The following DCDC1 variants were observed in gnomAD, a reference collection of about 807,000 sequenced individuals.
DCDC1 encodes the protein doublecortin domain-containing protein 1.
Under a neutral mutation model 178.3 loss-of-function variants are expected in DCDC1, and 200 were observed. The ratio of observed to expected loss-of-function variants is 1.12; its 90% confidence interval spans 1.00 to 1.26. The LOEUF is 1.26. Ranked by LOEUF, DCDC1 falls within the 50% of genes most tolerant of loss-of-function variation. DCDC1 has a pLI of 0.00. For synonymous variants in DCDC1, 690 were observed against 604.8 expected (o/e 1.14, Z -2.07); for missense variants, 1,983 against 1,749.2 (o/e 1.13, Z -2.38).
chr11:31,058,789 G>A (rs916142742), intron 20 of DCDC1, among the ~76,000 whole-genome samples: 1 of 152,072 alleles, frequency 6.6e-6, no homozygotes, highest in Non-Finnish European at 1.5e-5. Flanking sequence ...AGACAAGGTA[G>A]GAAGCTAATC....
In DCDC1 at chr11:31,250,421, C is replaced by CATATACATATATATATATATATATAT. The variant is rs1943920511; in HGVS notation, c.1055-8806_1055-8805insATATATATATATATATATATGTATAT. ...ACACACACACACACACACACATATA[C>CATATACATATATATATATATATATAT]ATATATATGTATATATATATATATC... On this transcript the variant is annotated intron_variant, in intron 8 of 38. Transcript: ENST00000684477. Among the ~76,000 whole-genome samples, 23 of 52,942 alleles carry CATATACATATATATATATATATATAT rather than the reference C, an allele frequency of 4.3e-4. 1 individual carries two copies. Among genetic ancestry groups the CATATACATATATATATATATATATAT allele is most frequent in the African/African-American group, 1.0e-3 (20 of 19,630 alleles). The allele number at this position is 52,942 out of a possible 152,430, so 34.7% of individuals were successfully genotyped here. A position where few individuals can be genotyped will look rare whatever the true frequency, so the allele number is the denominator to read the frequency against.
chr11:31,294,805 A>AGAAAGAAG (rs1491564524), intron 6 of DCDC1, among the ~76,000 whole-genome samples: 150 of 27,224 alleles, frequency 5.5e-3, no homozygotes, highest in Admixed American at 8.5e-3. Context: ...AGAAAAAGAA[A>AGAAAGAAG]GAAAGAAAGA....
intron 9 of DCDC1, among the ~76,000 whole-genome samples, chr11:31,189,315 A>G (rs1969868896): frequency 6.6e-6 from 1 of 152,156 alleles, no homozygotes; most frequent in African/African-American, 2.4e-5. Context: ...AAAAGTAGAT[A>G]ATGTCCCCTA....
At chr11:30,900,953 G>A (rs986038867) in intron 32 of DCDC1, among the ~76,000 whole-genome samples, 1 of 151,794 alleles carries the variant, frequency 6.6e-6, no homozygotes, top group African/African-American at 2.4e-5. Flanking sequence ...ATAGTGTTTG[G>A]TCTATTTACT....
intron 18 of DCDC1, among the ~76,000 whole-genome samples, chr11:31,066,246 A>G (rs560395): frequency 0.54 from 81,963 of 152,086 alleles, 23,349 homozygotes; most frequent in African/African-American, 0.74. Flanking sequence ...GGCTACCCTT[A>G]CATGGAAGTA....
chr11:30,892,388 A>T (rs938902172), intron 36 of DCDC1, among the ~76,000 whole-genome samples: 2 of 152,114 alleles, frequency 1.3e-5, no homozygotes, highest in Middle Eastern at 6.3e-3. Context: ...GGGTAAAAAA[A>T]GTTACTCTTG....
intron 20 of DCDC1, among the ~76,000 whole-genome samples, chr11:31,028,861 T>C (rs1365111859): frequency 2.6e-5 from 4 of 151,958 alleles, no homozygotes; most frequent in African/African-American, 4.8e-5. Flanking sequence ...AAGGGTTTAG[T>C]TGGAGATTAA....
intron 20 of DCDC1, among the ~76,000 whole-genome samples, chr11:30,985,033 T>A (rs2134846810): frequency 6.6e-6 from 1 of 152,302 alleles, no homozygotes; most frequent in East Asian, 1.9e-4. Flanking sequence ...GATTCCTTCA[T>A]TTCTGAACAA....
At chr11:30,908,824 A>G in intron 29 of DCDC1, 122 bp downstream of exon 29, 1 of 779,140 alleles carries the variant, frequency 1.3e-6, no homozygotes, top group East Asian at 3.0e-5. Context: ...GATTTCACTC[A>G]AAAATCAGCA....
chr11:31,070,042 T>C (rs1782667937), intron 18 of DCDC1, among the ~76,000 whole-genome samples: 1 of 152,210 alleles, frequency 6.6e-6, no homozygotes, highest in South Asian at 2.1e-4. Context: ...CTATTATTCA[T>C]CCTCCCATCA....
chr11:31,220,265 T>C (rs1371270782), intron 9 of DCDC1, among the ~76,000 whole-genome samples: 2 of 152,216 alleles, frequency 1.3e-5, no homozygotes. Context: ...ATGGGCAATA[T>C]TTATCTAGGA....
At chr11:31,299,251 G>A (rs899842471) in intron 6 of DCDC1, among the ~76,000 whole-genome samples, 2 of 152,112 alleles carry the variant, frequency 1.3e-5, no homozygotes, top group African/African-American at 4.8e-5. Context: ...AATAATGACA[G>A]TGGTTGTCAT....
intron 16 of DCDC1, 99 bp from the exon 17 acceptor site, chr11:31,091,610 A>G: frequency 1.5e-6 from 1 of 647,300 alleles, no homozygotes; most frequent in Non-Finnish European, 2.8e-6. Flanking sequence ...ATGCCTGGAT[A>G]ACCCTGGATA....
chr11:31,126,991 T>G (rs1961723028), intron 11 of DCDC1, among the ~76,000 whole-genome samples: 1 of 152,164 alleles, frequency 6.6e-6, no homozygotes. Flanking sequence ...CCAAGTGAAC[T>G]CCAACATGTG....
At chr11:31,244,799 C>T (rs1977626386) in intron 8 of DCDC1, among the ~76,000 whole-genome samples, 1 of 151,734 alleles carries the variant, frequency 6.6e-6, no homozygotes, top group South Asian at 2.1e-4. Context: ...TGGATGATTA[C>T]TTTTCATTCC....
rs930804073 is a variant in DCDC1 at position 31,078,031 on chromosome 11, C to T, written c.2238-106G>A. On this transcript the variant is annotated intron_variant, in intron 17 of 38. Coordinates refer to ENST00000684477, the MANE Select transcript of DCDC1 (RefSeq NM_001387274.1). Reference sequence around the variant, plus strand: ...CCAGATAGCCTGGCAGGAGGACTGCCCACACTCTACCAAAGATTCTGCCAC... The same window carrying T: ...CCAGATAGCCTGGCAGGAGGACTGCTCACACTCTACCAAAGATTCTGCCAC... The T allele has an allele frequency of 1.0e-5, 7 of 677,024 alleles. No homozygotes were observed. In the Admixed American group the frequency reaches 1.5e-4, roughly 15 times the overall value. The allele number at this position is 677,024 out of a possible 1,614,324, so 41.9% of individuals were successfully genotyped here.
At chr11:30,913,869 C>A (rs772502514) in intron 27 of DCDC1, among the ~76,000 whole-genome samples, 22 of 152,184 alleles carry the variant, frequency 1.4e-4, no homozygotes, top group Non-Finnish European at 2.1e-4. Flanking sequence ...CATTCTCATT[C>A]CCCATGCATG....
chr11:31,006,303 C>T (rs1291279602), intron 20 of DCDC1, among the ~76,000 whole-genome samples: 1 of 152,110 alleles, frequency 6.6e-6, no homozygotes, highest in Non-Finnish European at 1.5e-5. Flanking sequence ...ACTTCCCTTT[C>T]CTCCTAAATG....
At chr11:31,113,872 A>G (rs1474236429) in intron 11 of DCDC1, among the ~76,000 whole-genome samples, 1 of 152,196 alleles carries the variant, frequency 6.6e-6, no homozygotes, top group Non-Finnish European at 1.5e-5. Flanking sequence ...TTGATGCCAC[A>G]TTTTGGAAAA....
Sources: gnomAD v4.1 joint callset for allele counts (sites outside exome capture counted in the v4.1 genomes callset) on GRCh38, gnomAD v4.1.1 for gene constraint, MANE v1.5 for transcripts, NCBI Gene and HGNC (gene_info 2026-07-23, HGNC 2026-07-21) for gene names.